DBNL: variants seen among roughly 807,000 people sequenced by gnomAD.
DBNL encodes the protein drebrin like.
In DBNL, 35 loss-of-function variants were observed where a neutral mutation model predicts 62.2. That is an observed-to-expected ratio of 0.56 (90% CI 0.43 to 0.75). The LOEUF (loss-of-function observed/expected upper bound fraction) is 0.75, where lower values mean the gene tolerates loss of function less well. Ranked by LOEUF, DBNL falls within the 30% of genes least tolerant of loss-of-function variation. The probability of loss-of-function intolerance (pLI) is 0.00; values close to 1 mark genes in which losing one functional copy is unlikely to be tolerated. For missense variants in DBNL, 495 were observed against 578.4 expected (o/e 0.86, Z 1.48); for synonymous variants, 197 against 218.0 (o/e 0.90, Z 0.85).
rs951136915 is a variant in DBNL at position 44,066,287 on chromosome 7, T to G, written c.*5371T>G. On this transcript the variant is annotated 3_prime_UTR_variant, in exon 13 of 13. Transcript: ENST00000448521. Reference sequence around the variant, plus strand: ...TTGAAAAAGAGAAATCCAAGGGGGTTTGGGGGCAGGACTGAGGACTGTCAG... The same window carrying G: ...TTGAAAAAGAGAAATCCAAGGGGGTGTGGGGGCAGGACTGAGGACTGTCAG... 6.4e-6 allele frequency: 1 copy of G among 155,178 alleles called. No homozygotes were observed. Among genetic ancestry groups the G allele is most frequent in the Non-Finnish European group, 1.4e-5 (1 of 69,948 alleles). 9.6% of individuals were successfully genotyped at this position (155,178 alleles called of 1,614,324 possible).
In DBNL at chr7:44,062,933, A is replaced by G. The variant is rs367994618; in HGVS notation, c.*2017A>G. ...CATGATCGCCTGGTCTGACATCCCT[A>G]TGCCGGAAGGAATAGGTGTCCTTAG... On this transcript the variant is annotated 3_prime_UTR_variant, in exon 13 of 13. Coordinates refer to ENST00000448521, the MANE Select transcript of DBNL (RefSeq NM_001014436.3). The G allele has an allele frequency of 4.3e-4, 694 of 1,614,190 alleles. 8 individuals carry two copies. The South Asian group carries it at 6.8e-3, about 16-fold the overall frequency.
rs1339094770 is a variant in DBNL, at chr7:44,044,786, G to C, written c.49G>C (p.Val17Leu). The change falls in exon 1 of 13, where the codon GTG becomes CTG. Residue 17 changes from valine to leucine, a missense_variant. By Grantham distance (32) the Val-to-Leu change is conservative. Coordinates refer to ENST00000448521, the MANE Select transcript of DBNL (RefSeq NM_001014436.3). Reference sequence around the variant, plus strand: ...CGGGCCAGCGCTGCAAGAGGCCTACGTGCGGGTGGTCACCGAGAAGTCCCC... The same window carrying C: ...CGGGCCAGCGCTGCAAGAGGCCTACCTGCGGGTGGTCACCGAGAAGTCCCC... ...RNGPALQEAY[V>L]RVVTEKSPTD... The C allele has an allele frequency of 1.3e-6, 2 of 1,501,996 alleles. No homozygotes were observed. The highest frequency in any genetic ancestry group is 1.8e-6 in the Non-Finnish European group (2 of 1,126,150). The allele number at this position is 1,501,996 out of a possible 1,614,324, so 93.0% of individuals were successfully genotyped here. A position where few individuals can be genotyped will look rare whatever the true frequency, so the allele number is the denominator to read the frequency against.
intron 4 of DBNL, 122 bp downstream of exon 4, chr7:44,053,063 C>T (rs2096129463): frequency 7.8e-7 from 1 of 1,280,140 alleles, no homozygotes; most frequent in South Asian, 1.3e-5. Flanking sequence ...ATAGCTAATG[C>T]TCTCTGCCTG....
chr7:44,065,236 G>A lies in DBNL; in HGVS notation c.*4320G>A. Reference sequence around the variant, plus strand: ...GCTTGGCGGCCGTTTCTGCCTTGTTGAGGCCTGTGAGGCCCCCGTAATGCC... The same window carrying A: ...GCTTGGCGGCCGTTTCTGCCTTGTTAAGGCCTGTGAGGCCCCCGTAATGCC... On this transcript the variant is annotated 3_prime_UTR_variant, in exon 13 of 13. Coordinates refer to ENST00000448521, the MANE Select transcript of DBNL (RefSeq NM_001014436.3). 1 of 1,613,924 alleles carries A rather than the reference G, an allele frequency of 6.2e-7. No homozygotes were observed. Among genetic ancestry groups the A allele is most frequent in the East Asian group, 2.2e-5 (1 of 44,886 alleles).
Position 44,064,934 on chromosome 7 carries a change from G to T in DBNL, c.*4018G>T, listed in dbSNP as rs1484566307. 1.2e-6 allele frequency: 2 copies of T among 1,610,228 alleles called. No homozygotes were observed. Among genetic ancestry groups the T allele is most frequent in the Non-Finnish European group, 8.5e-7 (1 of 1,179,702 alleles). Reference sequence around the variant, plus strand: ...GGAACAATCTCCTCGTTCCAGAAGGGCAGGGCCCGGGCAATGGTGTCCTTG... The same window carrying T: ...GGAACAATCTCCTCGTTCCAGAAGGTCAGGGCCCGGGCAATGGTGTCCTTG... On this transcript the variant is annotated 3_prime_UTR_variant, in exon 13 of 13. Transcript: ENST00000448521.
Position 44,052,222 on chromosome 7 carries a change from G to A in DBNL, c.252+280G>A, listed in dbSNP as rs551139431. Among the ~76,000 whole-genome samples the A allele has an allele frequency of 1.2e-4, 19 of 152,254 alleles. No individual in the cohort carries two copies. In the South Asian group the frequency reaches 3.7e-3, roughly 30 times the overall value. ...GAGTCCTTGCTCCGTGCTCTTGAGG[G>A]TGGTTGTTCTGATGGAGTAGAGAGC... On this transcript the variant is annotated intron_variant, in intron 3 of 12. Transcript: ENST00000448521.
At chr7:44,049,941 A>G (rs748630284) in intron 1 of DBNL, 25 of 370,472 alleles carry the variant, frequency 6.7e-5, no homozygotes, top group Non-Finnish European at 1.0e-4. Flanking sequence ...TGTTTTCCTC[A>G]TAGTAGATGT....
chr7:44,063,955 C>G lies in DBNL; in HGVS notation c.*3039C>G, dbSNP rs903993372. 6.6e-6 allele frequency: 1 copy of G among 152,426 alleles called. No individual in the cohort carries two copies. Among genetic ancestry groups the G allele is most frequent in the African/African-American group, 2.4e-5 (1 of 41,438 alleles). The allele number at this position is 152,426 out of a possible 1,614,324, so 9.4% of individuals were successfully genotyped here. On this transcript the variant is annotated 3_prime_UTR_variant, in exon 13 of 13. Coordinates refer to ENST00000448521, the MANE Select transcript of DBNL (RefSeq NM_001014436.3). ...GCCCCAGTGCCAGGTGCCAGGTGTCCGTGTTTGGAGCGGGCAGGCTTGGGG... is the reference window on the plus strand; with the variant it reads ...GCCCCAGTGCCAGGTGCCAGGTGTCGGTGTTTGGAGCGGGCAGGCTTGGGG...
chr7:44,062,977 G>C lies in DBNL; in HGVS notation c.*2061G>C, dbSNP rs774594335. On this transcript the variant is annotated 3_prime_UTR_variant, in exon 13 of 13. Transcript: ENST00000448521. ...TCCTTAGCCCCTCTGTCCCCAGCCT[G>C]TTTACACAGCAGACACTATGTGACC... 2 of 1,593,812 alleles carry C rather than the reference G, an allele frequency of 1.3e-6. No homozygotes were observed. The highest frequency in any genetic ancestry group is 1.1e-5 in the South Asian group (1 of 90,620).
chr7:44,044,896 C>CG, intron 1 of DBNL, 76 bp downstream of exon 1: 1 of 1,248,068 alleles, frequency 8.0e-7, no homozygotes, highest in Non-Finnish European at 1.0e-6. Flanking sequence ...GCGGGGGACT[C>CG]GGGGGGAGCG....
rs1357156218 is a variant in DBNL at position 44,068,111 on chromosome 7, G to A, written c.*7195G>A. 3 of 152,176 alleles carry A rather than the reference G, an allele frequency of 2.0e-5. No individual in the cohort carries two copies. Among genetic ancestry groups the A allele is most frequent in the African/African-American group, 7.2e-5 (3 of 41,436 alleles). The allele number at this position is 152,176 out of a possible 1,614,324, so 9.4% of individuals were successfully genotyped here. A position where few individuals can be genotyped will look rare whatever the true frequency, so the allele number is the denominator to read the frequency against. On this transcript the variant is annotated 3_prime_UTR_variant, in exon 13 of 13. Coordinates refer to ENST00000448521, the MANE Select transcript of DBNL (RefSeq NM_001014436.3). ...CTGGGTACGCACTTGAAACCTGAGA[G>A]GGTAACGCTACCCTCTGTCTAGAGG...
At chr7:44,050,338 G>T in intron 2 of DBNL, 58 bp downstream of exon 2, 1 of 1,585,430 alleles carries the variant, frequency 6.3e-7, no homozygotes, top group Non-Finnish European at 8.7e-7. Flanking sequence ...TGACGACGAG[G>T]GGTCAGCGCA....
rs1035211989 is a variant in DBNL, at chr7:44,066,270, G to C, written c.*5354G>C. 2 of 155,242 alleles carry C rather than the reference G, an allele frequency of 1.3e-5. No individual in the cohort carries two copies. The highest frequency in any genetic ancestry group is 2.9e-5 in the Non-Finnish European group (2 of 70,020). 9.6% of individuals were successfully genotyped at this position (155,242 alleles called of 1,614,324 possible). A position where few individuals can be genotyped will look rare whatever the true frequency, so the allele number is the denominator to read the frequency against. On this transcript the variant is annotated 3_prime_UTR_variant, in exon 13 of 13. Coordinates refer to ENST00000448521, the MANE Select transcript of DBNL (RefSeq NM_001014436.3). ...TCCTAGCCGAAACCACCTTGAAAAA[G>C]AGAAATCCAAGGGGGTTTGGGGGCA... is the stretch of plus-strand genomic sequence containing the variant.
In DBNL at chr7:44,060,868, T is replaced by C. The variant is rs1188216236; in HGVS notation, c.1245T>C (p.Asp415=). ...GCTGGTGGCGTGGCTATGGGCCGGA[T>C]GGCCATTTTGGCATGTTCCCTGCCA... The part of the protein sequence containing the change: ...DEGWWRGYGP[D]GHFGMFPANY... Residue 415 remains aspartate (D), a synonymous_variant, in exon 13 of 13, where the codon GAT becomes GAC. Transcript: ENST00000448521. This position sits in a 1 kb window ranked among gnomAD's most constrained non-coding sequence, Gnocchi z 6.3. 6.2e-7 allele frequency: 1 copy of C among 1,614,076 alleles called. No individual in the cohort carries two copies. Among genetic ancestry groups the C allele is most frequent in the Non-Finnish European group, 8.5e-7 (1 of 1,179,978 alleles).
chr7:44,057,351 T>C (rs1450415315), intron 5 of DBNL, among the ~76,000 whole-genome samples: 1 of 152,032 alleles, frequency 6.6e-6, no homozygotes, highest in African/African-American at 2.4e-5. Flanking sequence ...GTGGAGCTGA[T>C]GGCTGGGAGC....
rs929834635 is a variant in DBNL at position 44,060,602 on chromosome 7, T to C, written c.1154-175T>C. Among the ~76,000 whole-genome samples the C allele has an allele frequency of 2.0e-5, 3 of 151,976 alleles. No individual in the cohort carries two copies. The highest frequency in any genetic ancestry group is 4.8e-5 in the African/African-American group (2 of 41,356). ...TGGGGGTGTGGTCACTGGAGCCGCA[T>C]TGGGACAGGGTGCAGTGTTGGCCAA... On this transcript the variant is annotated intron_variant, in intron 12 of 12. Coordinates refer to ENST00000448521, the MANE Select transcript of DBNL (RefSeq NM_001014436.3). This position sits in a 1 kb window ranked among gnomAD's most constrained non-coding sequence, Gnocchi z 6.3.
rs1207184525 is a variant in DBNL at position 44,067,225 on chromosome 7, AAAC to A, written c.*6312_*6314del. On this transcript the variant is annotated 3_prime_UTR_variant, in exon 13 of 13. Coordinates refer to ENST00000448521, the MANE Select transcript of DBNL (RefSeq NM_001014436.3). ...CAAAGACCCAAGCCCTACAGAAAGC[AAAC>A]AAGCTGGGGCAGCGACCATCAGGGG... 4 of 151,612 alleles carry A rather than the reference AAAC, an allele frequency of 2.6e-5. No homozygotes were observed. Among genetic ancestry groups the A allele is most frequent in the Non-Finnish European group, 4.4e-5 (3 of 67,646 alleles). The allele number at this position is 151,612 out of a possible 1,614,324, so 9.4% of individuals were successfully genotyped here.
Position 44,059,505 on chromosome 7 carries a change from T to C in DBNL, c.932-38T>C. On this transcript the variant is annotated intron_variant, in intron 10 of 12. Coordinates refer to ENST00000448521, the MANE Select transcript of DBNL (RefSeq NM_001014436.3). The surrounding 1 kb of genome is among the most constrained non-coding windows in gnomAD (Gnocchi z 4.1). ...GGGGGACAGCAGTGGAGAAGGGGGA[T>C]GTGTGGGAGTGAGAACCTGCTGTGT... 6.2e-7 allele frequency: 1 copy of C among 1,613,232 alleles called. No homozygotes were observed. Among genetic ancestry groups the C allele is most frequent in the Non-Finnish European group, 8.5e-7 (1 of 1,179,554 alleles).
rs1463114457 is a variant in DBNL at position 44,059,029 on chromosome 7, G to C, written c.835+46G>C. 1.2e-5 allele frequency: 19 copies of C among 1,595,626 alleles called. No homozygotes were observed. The highest frequency in any genetic ancestry group is 1.5e-5 in the Non-Finnish European group (17 of 1,164,818). On this transcript the variant is annotated intron_variant, in intron 9 of 12. Coordinates refer to ENST00000448521, the MANE Select transcript of DBNL (RefSeq NM_001014436.3). The surrounding 1 kb of genome is among the most constrained non-coding windows in gnomAD (Gnocchi z 4.1). ...TGGCCATGAGGCAGCAGCAGGCTGAGGGGGAGCCTGGGGTCCTATGTGGGC... is the reference window on the plus strand; with the variant it reads ...TGGCCATGAGGCAGCAGCAGGCTGACGGGGAGCCTGGGGTCCTATGTGGGC...
Sources: allele counts gnomAD v4.1 joint callset (sites outside exome capture counted in the v4.1 genomes callset), GRCh38; gene constraint gnomAD v4.1.1; non-coding constraint Gnocchi (gnomAD v3.1); transcripts MANE v1.5; gene names NCBI Gene and HGNC (gene_info 2026-07-23, HGNC 2026-07-21).